CPEB2: variants seen among roughly 807,000 people sequenced by gnomAD.
The protein encoded by CPEB2 is cytoplasmic polyadenylation element-binding protein 2.
A neutral mutation model predicts 93.6 loss-of-function variants in CPEB2; 56 were observed. That is an observed-to-expected ratio of 0.60 (90% CI 0.48 to 0.75). The LOEUF (loss-of-function observed/expected upper bound fraction) is 0.75. Ranked by LOEUF, CPEB2 falls within the 30% of genes least tolerant of loss-of-function variation. The probability of loss-of-function intolerance (pLI) is 0.00; values close to 1 mark genes in which losing one functional copy is unlikely to be tolerated. For missense variants in CPEB2, 1,579 were observed against 1,395.1 expected (o/e 1.13, Z -2.10); for synonymous variants, 764 against 586.3 (o/e 1.30, Z -4.38).
chr4:15,065,143 T>C (rs192285164), intron 11 of CPEB2, among the ~76,000 whole-genome samples: 55 of 152,266 alleles, frequency 3.6e-4, no homozygotes, highest in Middle Eastern at 6.8e-3. Context: ...TGTTTCTAGT[T>C]TGTTGTTGTT....
At position 15,003,668 on chromosome 4, in the gene CPEB2, G is replaced by A; in HGVS notation, c.995G>A (p.Gly332Asp). The change falls in exon 1 of 12, where the codon GGT becomes GAT. Residue 332 changes from glycine to aspartate, a missense_variant. Around this residue, in one of 2 missense-constraint regions of CPEB2, gnomAD observed 1,411 missense variants for 1,056.0 expected, o/e 1.34. Coordinates refer to ENST00000538197, the MANE Select transcript of CPEB2 (RefSeq NM_001177382.2). ...LNSPSNLLPG[G>D]ALGAGAFSSL... ...AGTCCCAGTAACCTCCTGCCCGGAG[G>A]TGCGCTTGGCGCGGGCGCCTTCAGC... The A allele has an allele frequency of 8.2e-6, 12 of 1,467,528 alleles. No individual in the cohort carries two copies. The highest frequency in any genetic ancestry group is 1.1e-5 in the Non-Finnish European group (12 of 1,112,484). The allele number at this position is 1,467,528 out of a possible 1,614,324, so 90.9% of individuals were successfully genotyped here.
intron 8 of CPEB2, among the ~76,000 whole-genome samples, chr4:15,055,649 CT>C (rs1728644814): frequency 2.0e-5 from 3 of 152,270 alleles, no homozygotes; most frequent in Admixed American, 1.3e-4. Context: ...TTGGATGGTG[CT>C]ATTCCTTACT....
intron 4 of CPEB2, among the ~76,000 whole-genome samples, chr4:15,029,828 GC>G (rs1169686754): frequency 6.6e-6 from 1 of 151,990 alleles, no homozygotes; most frequent in African/African-American, 2.4e-5. Flanking sequence ...CTTCACTTTA[GC>G]TATCACATCA....
chr4:15,058,684 T>C, intron 9 of CPEB2, 145 bp downstream of exon 9: 1 of 604,994 alleles, frequency 1.7e-6, no homozygotes, highest in South Asian at 2.0e-5. Flanking sequence ...ATAGCAGGAG[T>C]CCCCAACCCC....
At chr4:15,052,003 C>T (rs950897926) in intron 6 of CPEB2, among the ~76,000 whole-genome samples, 2 of 152,180 alleles carry the variant, frequency 1.3e-5, no homozygotes, top group African/African-American at 4.8e-5. Context: ...CTGTAGTCTA[C>T]AAGTGATTTT....
chr4:15,061,442 G>A, intron 10 of CPEB2, among the ~76,000 whole-genome samples: 1 of 151,894 alleles, frequency 6.6e-6, no homozygotes, highest in African/African-American at 2.4e-5. Flanking sequence ...AGAAGGAAGG[G>A]ATTAATTGTG....
At chr4:15,046,003 A>C (rs183955805) in intron 6 of CPEB2, among the ~76,000 whole-genome samples, 16 of 152,238 alleles carry the variant, frequency 1.1e-4, no homozygotes, top group Admixed American at 9.8e-4. Flanking sequence ...CCATTTTCCT[A>C]TTGATAGATG....
chr4:15,028,263 A>G (rs1339631456), intron 4 of CPEB2, among the ~76,000 whole-genome samples: 1 of 152,018 alleles, frequency 6.6e-6, no homozygotes, highest in Non-Finnish European at 1.5e-5. Flanking sequence ...CTTTTGCAAT[A>G]TCTCTCCCCA....
At chr4:15,037,454 TC>T (rs1726728279) in intron 5 of CPEB2, among the ~76,000 whole-genome samples, 7 of 152,206 alleles carry the variant, frequency 4.6e-5, no homozygotes, top group Non-Finnish European at 7.3e-5. Flanking sequence ...TGTATGCCTA[TC>T]CCTTCCTCTA....
chr4:15,006,847 CAT>C (rs752788003), intron 1 of CPEB2, among the ~76,000 whole-genome samples: 6 of 152,088 alleles, frequency 3.9e-5, no homozygotes, highest in Admixed American at 1.3e-4. Flanking sequence ...GTTTTGGAAA[CAT>C]AAAGTCTATA....
chr4:15,029,257 G>A (rs1259752403), intron 4 of CPEB2, among the ~76,000 whole-genome samples: 2 of 151,838 alleles, frequency 1.3e-5, no homozygotes, highest in Middle Eastern at 3.2e-3. Context: ...TTTTGATCAG[G>A]AATTATATTT....
chr4:15,028,739 G>GA (rs1024789968), intron 4 of CPEB2, among the ~76,000 whole-genome samples: 1 of 151,222 alleles, frequency 6.6e-6, no homozygotes, highest in East Asian at 1.9e-4. Flanking sequence ...ATTTCAAGCA[G>GA]AAAAAAAAGG....
intron 4 of CPEB2, among the ~76,000 whole-genome samples, chr4:15,021,026 T>C (rs1205111464): frequency 6.6e-6 from 1 of 152,116 alleles, no homozygotes; most frequent in Non-Finnish European, 1.5e-5. Flanking sequence ...ATGGAAGAGA[T>C]TGTTACATTT....
Position 15,007,562 on chromosome 4 carries a change from T to C in CPEB2, c.1920T>C (p.Asn640=), listed in dbSNP as rs781013304. Residue 640 remains asparagine (N), a synonymous_variant, in exon 2 of 12, where the codon AAT becomes AAC. Coordinates refer to ENST00000538197, the MANE Select transcript of CPEB2 (RefSeq NM_001177382.2). ...ATAATGTGTTCAGAACAGACAACAA[T>C]AGTAATACACTCTTACCCTTACAGG... ...IEDNVFRTDN[N]SNTLLPLQVR... is the part of the protein sequence containing the mutation. The C allele has an allele frequency of 3.7e-6, 6 of 1,607,452 alleles. No homozygotes were observed. Among genetic ancestry groups the C allele is most frequent in the South Asian group, 1.1e-5 (1 of 90,284 alleles).
At chr4:15,027,165 A>G (rs1725571933) in intron 4 of CPEB2, among the ~76,000 whole-genome samples, 1 of 151,936 alleles carries the variant, frequency 6.6e-6, no homozygotes, top group African/African-American at 2.4e-5. Context: ...TGGGATTACC[A>G]TTTTCTTGAA....
intron 5 of CPEB2, among the ~76,000 whole-genome samples, chr4:15,036,859 G>A (rs1726660830): frequency 6.6e-6 from 1 of 152,126 alleles, no homozygotes; most frequent in Admixed American, 6.5e-5. Flanking sequence ...AGAAAATTAA[G>A]TCAGTAATTG....
At chr4:15,043,359 A>G (rs1727363124) in intron 6 of CPEB2, among the ~76,000 whole-genome samples, 2 of 152,176 alleles carry the variant, frequency 1.3e-5, no homozygotes, top group African/African-American at 4.8e-5. Context: ...GTTGGAACCT[A>G]CTATCACTAC....
intron 5 of CPEB2, among the ~76,000 whole-genome samples, chr4:15,034,421 T>TTAGG (rs1177131675): frequency 6.6e-6 from 1 of 152,164 alleles, no homozygotes; most frequent in Non-Finnish European, 1.5e-5. Flanking sequence ...AATCTAGATG[T>TTAGG]TAGGTTGAAA....
intron 3 of CPEB2, among the ~76,000 whole-genome samples, chr4:15,014,792 G>C (rs1313532797): frequency 6.6e-6 from 1 of 152,038 alleles, no homozygotes; most frequent in Admixed American, 6.6e-5. Context: ...TAGAAGTTTA[G>C]TGGGACAGAC....
Sources: allele counts gnomAD v4.1 joint callset (sites outside exome capture counted in the v4.1 genomes callset), GRCh38; gene constraint gnomAD v4.1.1; regional missense constraint gnomAD v4.1.1; transcripts MANE v1.5; gene names NCBI Gene and HGNC (gene_info 2026-07-23, HGNC 2026-07-21).